Variants in PHF3 observed in about 807,000 individuals in gnomAD.
PHF3 encodes PHD finger protein 3.
Under a neutral mutation model 178.4 loss-of-function variants are expected in PHF3, and 41 were observed. That is an observed-to-expected ratio of 0.23 (90% CI 0.18 to 0.30). PHF3 has a LOEUF of 0.30. PHF3 is among the 10% of genes least tolerant of loss of function. The probability of loss-of-function intolerance (pLI) is 1.00; values close to 1 mark genes in which losing one functional copy is unlikely to be tolerated. For missense variants in PHF3, 2,346 were observed against 2,398.1 expected, an observed-to-expected ratio of 0.98 and a Z score of 0.45; for synonymous variants, 842 against 800.5, an observed-to-expected ratio of 1.05 and a Z score of -0.88.
rs1004724542 is a variant in PHF3, at chr6:63,720,590, GTTAAC to G, written c.*6886_*6890del. 11 of 1,456,808 alleles carry G rather than the reference GTTAAC, an allele frequency of 7.6e-6. No individual in the cohort carries two copies. Among genetic ancestry groups the G allele is most frequent in the African/African-American group, 2.9e-5 (2 of 69,970 alleles). 90.2% of individuals were successfully genotyped at this position (1,456,808 alleles called of 1,614,324 possible). On this transcript the variant is annotated 3_prime_UTR_variant, in exon 16 of 16. Coordinates refer to ENST00000262043, the MANE Select transcript of PHF3 (RefSeq NM_001370348.2). ...TATAGTGTGTACTAAAATCTCTAGT[GTTAAC>G]TTATGTAACCTCATTTTGTTCATCT...
rs1561988437 is a variant in PHF3, at chr6:63,713,601, GAGA to G, written c.6016_6018del (p.Lys2006del). The G allele has an allele frequency of 6.2e-6, 10 of 1,613,414 alleles. No individual in the cohort carries two copies. Among genetic ancestry groups the G allele is most frequent in the East Asian group, 2.2e-5 (1 of 44,796 alleles). ...AGATAAACCTAAAAGTGAAGACTATGAGAAGGACAAAGAACGAGAGAAAAGTAA... is the reference window on the plus strand; with the variant it reads ...AGATAAACCTAAAAGTGAAGACTATGAGGACAAAGAACGAGAGAAAAGTAA... On this transcript the variant is annotated inframe_deletion, in exon 16 of 16. Coordinates refer to ENST00000262043, the MANE Select transcript of PHF3 (RefSeq NM_001370348.2).
At chr6:63,679,489 G>GTT (rs201419931) in intron 2 of PHF3, among the ~76,000 whole-genome samples, 14 of 146,814 alleles carry the variant, frequency 9.5e-5, no homozygotes, top group African/African-American at 3.2e-4. Flanking sequence ...GTTTCTTCCT[G>GTT]TTTTTTTTTT....
rs768501954 is a variant in PHF3, at chr6:63,724,344, A to T, written c.*10636A>T. On this transcript the variant is annotated 3_prime_UTR_variant, in exon 16 of 16. Coordinates refer to ENST00000262043, the MANE Select transcript of PHF3 (RefSeq NM_001370348.2). ...CCTAATATTTGTGAAGAGACTACAG[A>T]ATCAGCATATCAGGGGAATTGTATA... Among the ~76,000 whole-genome samples the T allele has an allele frequency of 3.3e-5, 5 of 152,184 alleles. No individual in the cohort carries two copies. The highest frequency in any genetic ancestry group is 7.3e-5 in the Non-Finnish European group (5 of 68,042).
intron 2 of PHF3, among the ~76,000 whole-genome samples, chr6:63,654,412 C>T (rs1242178300): frequency 6.6e-6 from 1 of 152,118 alleles, no homozygotes; most frequent in Non-Finnish European, 1.5e-5. Context: ...ACCTTGTAAG[C>T]ACATACATAC....
rs1360351134 is a variant in PHF3, at chr6:63,713,165, T to G, written c.5577T>G (p.Val1859=). 6.2e-7 allele frequency: 1 copy of G among 1,614,028 alleles called. No individual in the cohort carries two copies. The highest frequency in any genetic ancestry group is 8.5e-7 in the Non-Finnish European group (1 of 1,179,964). ...QNPMVPWPPV[V]HLPGQPQRMM... is the part of the protein sequence containing the mutation. The stretch of plus-strand genomic sequence containing the variant: ...CCATGGTTCCCTGGCCACCTGTTGT[T>G]CATCTCCCAGGTCAGCCACAGCGTA... Residue 1859 remains valine (V), a synonymous_variant, in exon 16 of 16, where the codon GTT becomes GTG. Transcript: ENST00000262043.
Position 63,646,693 on chromosome 6 carries a change from A to G in PHF3, c.142A>G (p.Met48Val), listed in dbSNP as rs1477274369. 6.2e-7 allele frequency: 1 copy of G among 1,613,434 alleles called. No individual in the cohort carries two copies. The highest frequency in any genetic ancestry group is 1.1e-5 in the South Asian group (1 of 91,060). The change falls in exon 2 of 16, where the codon ATG becomes GTG. Residue 48 changes from methionine to valine, a missense_variant. Met to Val is a conservative substitution (Grantham distance 21). Around this residue, in one of 8 missense-constraint regions of PHF3, gnomAD observed 843 missense variants for 795.2 expected, o/e 1.06. Transcript: ENST00000262043. ...QNVLEDSLKN[M>V]LSDKDPMLGS... ...TGTCTTAGAGGACTCGCTGAAGAAC[A>G]TGCTCAGCGATAAGGATCCTATGCT...
At chr6:63,662,366 C>T (rs1765506638) in intron 2 of PHF3, among the ~76,000 whole-genome samples, 2 of 152,282 alleles carry the variant, frequency 1.3e-5, no homozygotes, top group Middle Eastern at 3.4e-3. Flanking sequence ...TTATAGCCCA[C>T]ATTTAAAGTA....
At position 63,720,740 on chromosome 6, in the gene PHF3, AT is replaced by A; in HGVS notation, c.*7035del. 6.5e-7 allele frequency: 1 copy of A among 1,549,696 alleles called. No homozygotes were observed. The highest frequency in any genetic ancestry group is 8.7e-7 in the Non-Finnish European group (1 of 1,146,192). ...TTTTAAAAATCTCTTGAGTAACGAT[AT>A]TTACCTTTCTACCATATTCAAAGCC... On this transcript the variant is annotated 3_prime_UTR_variant, in exon 16 of 16. Coordinates refer to ENST00000262043, the MANE Select transcript of PHF3 (RefSeq NM_001370348.2).
In PHF3 at chr6:63,711,759, G is replaced by A. The variant is rs753189810; in HGVS notation, c.4171G>A (p.Ala1391Thr). The A allele has an allele frequency of 8.1e-6, 13 of 1,613,200 alleles. No individual in the cohort carries two copies. Among genetic ancestry groups the A allele is most frequent in the East Asian group, 2.2e-5 (1 of 44,884 alleles). The change falls in exon 16 of 16, where the codon GCA becomes ACA. Residue 1391 changes from alanine to threonine, a missense_variant. Coordinates refer to ENST00000262043, the MANE Select transcript of PHF3 (RefSeq NM_001370348.2). ...TAAAATAGAAGTTTCTACAGAAGAA[G>A]CACCAGAGGAAGAAAATGACTTTTT... is the stretch of plus-strand genomic sequence containing the variant. ...KSKIEVSTEE[A>T]PEEENDFFNS...
Position 63,706,748 on chromosome 6 carries a change from G to T in PHF3, c.3583G>T (p.Val1195Phe). 2 of 1,613,854 alleles carry T rather than the reference G, an allele frequency of 1.2e-6. No homozygotes were observed. Among genetic ancestry groups the T allele is most frequent in the Non-Finnish European group, 1.7e-6 (2 of 1,179,894 alleles). The change falls in exon 13 of 16, where the codon GTT becomes TTT. Residue 1195 changes from valine (V) to phenylalanine (F), a missense_variant. Around this residue, in one of 8 missense-constraint regions of PHF3, gnomAD observed 205 missense variants for 212.4 expected, o/e 0.97. Transcript: ENST00000262043. ...PAPRPEMPGT[V>F]EVESTFLARL... is the part of the protein sequence containing the mutation. ...TTCTAGTCCAGAGATGCCTGGAACT[G>T]TTGAAGTTGAGTCTACCTTTCTGGC...
intron 2 of PHF3, among the ~76,000 whole-genome samples, chr6:63,665,495 T>TTG (rs1554150230): frequency 1.4e-5 from 2 of 146,278 alleles, no homozygotes; most frequent in Non-Finnish European, 3.0e-5. Context: ...TGTTTTTTTT[T>TTG]TTTTTTTTTG....
Position 63,721,554 on chromosome 6 carries a change from A to AC in PHF3, c.*7847dup. 1 of 1,551,660 alleles carries AC rather than the reference A, an allele frequency of 6.4e-7. No homozygotes were observed. The highest frequency in any genetic ancestry group is 8.7e-7 in the Non-Finnish European group (1 of 1,146,866). ...GGGATTTACAAGATTTAAAGAAGAT[A>AC]CTCCTCCAATATAGAAGTCTGTATT... On this transcript the variant is annotated 3_prime_UTR_variant, in exon 16 of 16. Transcript: ENST00000262043.
rs551727079 is a variant in PHF3, at chr6:63,706,131, A to T, written c.3470A>T (p.Asp1157Val). 1.2e-6 allele frequency: 2 copies of T among 1,613,952 alleles called. No homozygotes were observed. The change falls in exon 12 of 16, where the codon GAT becomes GTT. Residue 1157 changes from aspartate to valine, a missense_variant. Asp to Val is a radical substitution (Grantham distance 152). Transcript: ENST00000262043. The part of the protein sequence containing the change: ...HSDNEAESIA[D>V]ALSSTSNILA... ...GACAATGAAGCAGAAAGTATAGCAG[A>T]TGCATTATCTTCAACCTCAAATATT...
At chr6:63,642,576 A>G (rs1764621192) in intron 1 of PHF3, among the ~76,000 whole-genome samples, 1 of 152,214 alleles carries the variant, frequency 6.6e-6, no homozygotes, top group African/African-American at 2.4e-5. Context: ...CCCAGAAACA[A>G]TTTCTGACTT....
chr6:63,641,919 C>T (rs546942079), intron 1 of PHF3, among the ~76,000 whole-genome samples: 17 of 152,136 alleles, frequency 1.1e-4, no homozygotes, highest in Non-Finnish European at 1.8e-4. Flanking sequence ...TGAGCCATGG[C>T]GCCCGGCCTA....
At chr6:63,692,112 T>C (rs1042510915) in intron 5 of PHF3, 69 bp downstream of exon 5, 2 of 1,107,452 alleles carry the variant, frequency 1.8e-6, no homozygotes, top group East Asian at 2.6e-5. Context: ...TGCAATAATT[T>C]TGAAATTTCT....
At chr6:63,700,765 G>A (rs2149600893) in intron 9 of PHF3, among the ~76,000 whole-genome samples, 1 of 152,236 alleles carries the variant, frequency 6.6e-6, no homozygotes, top group South Asian at 2.1e-4. Flanking sequence ...TGTATTTTTA[G>A]TAGAGGTGGG....
chr6:63,687,905 T>A (rs1256506691), intron 4 of PHF3, among the ~76,000 whole-genome samples: 1 of 152,194 alleles, frequency 6.6e-6, no homozygotes, highest in African/African-American at 2.4e-5. Context: ...GTTTACACTC[T>A]GTAATTGATG....
rs1234287210 is a variant in PHF3 at position 63,721,370 on chromosome 6, T to G, written c.*7662T>G. The G allele has an allele frequency of 2.6e-6, 4 of 1,551,720 alleles. No individual in the cohort carries two copies. The African/African-American group carries it at 4.1e-5, about 16-fold the overall frequency. The stretch of plus-strand genomic sequence containing the variant: ...TTGTGCCATTTACTGTACATTCACC[T>G]CCATTTCTGCATGTGTTGTACCCAC... On this transcript the variant is annotated 3_prime_UTR_variant, in exon 16 of 16. Coordinates refer to ENST00000262043, the MANE Select transcript of PHF3 (RefSeq NM_001370348.2).
Sources: allele counts gnomAD v4.1 joint callset (sites outside exome capture counted in the v4.1 genomes callset), GRCh38; gene constraint gnomAD v4.1.1; regional missense constraint gnomAD v4.1.1; transcripts MANE v1.5; gene names NCBI Gene and HGNC (gene_info 2026-07-23, HGNC 2026-07-21).